The following INPP5B variants were observed in gnomAD, a reference collection of about 807,000 sequenced individuals.
The protein encoded by INPP5B is inositol polyphosphate-5-phosphatase B.
INPP5B carries 90 observed loss-of-function variants against 118.5 expected under a neutral mutation model. The ratio of observed to expected loss-of-function variants is 0.76; its 90% CI spans 0.64 to 0.90. The LOEUF (loss-of-function observed/expected upper bound fraction) is 0.90. Ranked by LOEUF, INPP5B falls within the 40% of genes least tolerant of loss-of-function variation. The pLI, the probability that INPP5B is intolerant of heterozygous loss-of-function variation, is 0.00. For synonymous variants in INPP5B, 385 were observed against 418.9 expected, an observed-to-expected ratio of 0.92 and a Z score of 0.99; for missense variants, 984 against 1,125.6, an observed-to-expected ratio of 0.87 and a Z score of 1.80.
At chr1:37,925,751 A>C (rs1418554758) in intron 7 of INPP5B, among the ~76,000 whole-genome samples, 2 of 152,176 alleles carry the variant, frequency 1.3e-5, no homozygotes, top group Non-Finnish European at 2.9e-5. Context: ...TTCCAAAACA[A>C]ACTGTTTTCA....
chr1:37,914,539 C>G (rs1251870084), intron 7 of INPP5B, among the ~76,000 whole-genome samples: 1 of 152,110 alleles, frequency 6.6e-6, no homozygotes, highest in East Asian at 1.9e-4. Context: ...ACCAAACTTA[C>G]CTTTTCACAC....
intron 23 of INPP5B, 135 bp downstream of exon 23, chr1:37,864,177 T>C (rs1641885983): frequency 1.7e-6 from 1 of 601,312 alleles, no homozygotes; most frequent in African/African-American, 1.9e-5. Flanking sequence ...CAAAACTTTC[T>C]GCTTTAAAAA....
In INPP5B at chr1:37,916,704, C is replaced by G. The variant is rs116248517; in HGVS notation, c.532+15209G>C. Among the ~76,000 whole-genome samples the G allele has an allele frequency of 8.7e-3, 1,328 of 152,276 alleles. 17 individuals carry two copies. Among genetic ancestry groups the G allele is most frequent in the African/African-American group, 0.03 (1,253 of 41,562 alleles). The stretch of plus-strand genomic sequence containing the variant: ...GTGCTGGGATTACAGGCGTGAACCA[C>G]TGCGTCCAGCCAGTCTGGGCTTTTT... On this transcript the variant is annotated intron_variant, in intron 7 of 23. Transcript: ENST00000373024.
At chr1:37,895,387 G>A (rs1022128060) in intron 7 of INPP5B, among the ~76,000 whole-genome samples, 13 of 152,248 alleles carry the variant, frequency 8.5e-5, no homozygotes, top group African/African-American at 1.7e-4. Context: ...CCAGCTATTC[G>A]GGAGGCTGAG....
Position 37,886,976 on chromosome 1 carries a change from A to G in INPP5B, c.1043T>C (p.Met348Thr). Residue 348 changes from methionine (M) to threonine (T), a missense_variant, in exon 12 of 24, where the codon ATG (methionine) becomes ACG (threonine). Physicochemically the swap from Met to Thr is moderately conservative, Grantham distance 81. Around this residue, in one of 2 missense-constraint regions of INPP5B, gnomAD observed 634 missense variants for 791.0 expected, o/e 0.80. Transcript: ENST00000373024. ...CTCCTGTTTGACATATAACAGCAGCATAATCCCAACCAGTCGGATAAGCTT... is the reference window on the plus strand; with the variant it reads ...CTCCTGTTTGACATATAACAGCAGCGTAATCCCAACCAGTCGGATAAGCTT... Reference protein sequence around the residue: ...KVKLIRLVGIMLLLYVKQEHA... With the variant: ...KVKLIRLVGITLLLYVKQEHA... The G allele has an allele frequency of 6.2e-7, 1 of 1,614,236 alleles. No homozygotes were observed. Among genetic ancestry groups the G allele is most frequent in the African/African-American group, 1.3e-5 (1 of 75,060 alleles).
intron 6 of INPP5B, among the ~76,000 whole-genome samples, chr1:37,938,886 G>A (rs1253363003): frequency 5.3e-5 from 8 of 151,970 alleles, no homozygotes; most frequent in African/African-American, 1.7e-4. Context: ...GTGAAACCCT[G>A]TCTCTACTGA....
At chr1:37,910,263 C>T (rs573723445) in intron 7 of INPP5B, among the ~76,000 whole-genome samples, 3 of 152,196 alleles carry the variant, frequency 2.0e-5, no homozygotes, top group East Asian at 3.9e-4. Context: ...TTTCCAAGGG[C>T]GTGTTTCCCT....
At chr1:37,944,002 T>C in intron 3 of INPP5B, 109 bp from the exon 4 acceptor site, 1 of 776,552 alleles carries the variant, frequency 1.3e-6, no homozygotes, top group Non-Finnish European at 2.3e-6. Context: ...AACACTGTGC[T>C]GGTGGTGCCC....
chr1:37,940,854 G>A (rs757074778), intron 5 of INPP5B, 56 bp from the exon 6 acceptor site: 7 of 1,237,914 alleles, frequency 5.7e-6, no homozygotes, highest in Non-Finnish European at 8.3e-6. Flanking sequence ...AGTGCTTGAT[G>A]CAGCCTAAGC....
Position 37,927,758 on chromosome 1 carries a change from C to T in INPP5B, c.532+4155G>A, listed in dbSNP as rs560124813. On this transcript the variant is annotated intron_variant, in intron 7 of 23. Transcript: ENST00000373024. Reference sequence around the variant, plus strand: ...TTCACCATGTTAGCCAGGATGGTCTCAATCTCCTGACCTCGTGATCCGCCC... The same window carrying T: ...TTCACCATGTTAGCCAGGATGGTCTTAATCTCCTGACCTCGTGATCCGCCC... 4.6e-5 allele frequency among the ~76,000 whole-genome samples: 7 copies of T among 152,102 alleles called. No homozygotes were observed. The South Asian group carries it at 8.3e-4, about 18-fold the overall frequency.
chr1:37,917,393 G>A (rs1359082377), intron 7 of INPP5B, among the ~76,000 whole-genome samples: 3 of 141,472 alleles, frequency 2.1e-5, no homozygotes, highest in Admixed American at 7.4e-5. Context: ...GCGCGATCTC[G>A]GCTCACTGCA....
intron 7 of INPP5B, chr1:37,931,303 C>G: frequency 1.5e-6 from 1 of 653,476 alleles, no homozygotes; most frequent in South Asian, 1.9e-5. Context: ...GGGCACCACT[C>G]CCCCACCCGC....
chr1:37,901,696 T>C (rs1644337738), intron 7 of INPP5B, among the ~76,000 whole-genome samples: 1 of 152,158 alleles, frequency 6.6e-6, no homozygotes, highest in Non-Finnish European at 1.5e-5. Flanking sequence ...CTTTAAGGCA[T>C]GATGTGGGGG....
rs938530811 is a variant in INPP5B at position 37,939,434 on chromosome 1, CTTTTGT to C, written c.391+1248_391+1253del. On this transcript the variant is annotated intron_variant, in intron 6 of 23. Coordinates refer to ENST00000373024, the MANE Select transcript of INPP5B (RefSeq NM_005540.3). ...AGCTCTATAATCATGTTTCTACTTC[CTTTTGT>C]TTTTGTTTTTGTTTTTTTTTTTTGA... is the stretch of plus-strand genomic sequence containing the variant. Among the ~76,000 whole-genome samples the C allele has an allele frequency of 4.4e-5, 6 of 137,788 alleles. No individual in the cohort carries two copies. In the East Asian group the frequency reaches 6.5e-4, roughly 15 times the overall value. The allele number at this position is 137,788 out of a possible 152,430, so 90.4% of individuals were successfully genotyped here.
chr1:37,939,722 C>A (rs1280827880), intron 6 of INPP5B, among the ~76,000 whole-genome samples: 3 of 151,592 alleles, frequency 2.0e-5, no homozygotes, highest in African/African-American at 4.8e-5. Flanking sequence ...GGATTACAGG[C>A]GTGAGCCACC....
chr1:37,863,223 A>T (rs567942407), intron 23 of INPP5B, among the ~76,000 whole-genome samples: 55 of 151,874 alleles, frequency 3.6e-4, no homozygotes, highest in African/African-American at 1.2e-3. Flanking sequence ...TAAAAAAAAA[A>T]AAAAAAAAAA....
chr1:37,896,797 C>T (rs1453247392), intron 7 of INPP5B, among the ~76,000 whole-genome samples: 2 of 141,922 alleles, frequency 1.4e-5, no homozygotes, highest in African/African-American at 5.2e-5. Context: ...AGCCCCCTGC[C>T]CGGCCAGCCG....
chr1:37,917,289 G>A (rs1461226222), intron 7 of INPP5B, among the ~76,000 whole-genome samples: 7 of 76,940 alleles, frequency 9.1e-5, no homozygotes, highest in East Asian at 3.7e-4. Flanking sequence ...ACTCCGTCTC[G>A]GGGGAAAAAA....
Position 37,943,647 on chromosome 1 carries a change from G to A in INPP5B, c.273C>T (p.Tyr91=), listed in dbSNP as rs754384584. 1.9e-6 allele frequency: 3 copies of A among 1,613,962 alleles called. No individual in the cohort carries two copies. Among genetic ancestry groups the A allele is most frequent in the African/African-American group, 1.3e-5 (1 of 74,900 alleles). Reference sequence around the variant, plus strand: ...ACCAAGAGGACCACTCACCAAGGATGTAGAGTTCACCATCTGGGGACACTG... The same window carrying A: ...ACCAAGAGGACCACTCACCAAGGATATAGAGTTCACCATCTGGGGACACTG... ...LEEVSPDGEL[Y]ILGSDVTVQL... is the part of the protein sequence containing the mutation. The change falls in exon 5 of 24, where the codon TAC becomes TAT. Residue 91 remains tyrosine, a synonymous_variant. Transcript: ENST00000373024.
Sources: gnomAD v4.1 joint callset for allele counts (sites outside exome capture counted in the v4.1 genomes callset) on GRCh38, gnomAD v4.1.1 for gene constraint, gnomAD v4.1.1 regional missense constraint, MANE v1.5 for transcripts, NCBI Gene and HGNC (gene_info 2026-07-23, HGNC 2026-07-21) for gene names.